SERTAD4: variants seen among roughly 807,000 people sequenced by gnomAD.
SERTAD4 encodes SERTA domain-containing protein 4.
SERTAD4 carries 18 observed loss-of-function variants against 32.9 expected under a neutral mutation model. The observed-to-expected ratio is 0.55, with a 90% CI of 0.38 to 0.81. The LOEUF (loss-of-function observed/expected upper bound fraction) is 0.81, where lower values mean the gene tolerates loss of function less well. Among genes scored for constraint, SERTAD4 ranks in the 30% least tolerant of loss-of-function variants. The pLI is 0.00. For synonymous variants in SERTAD4, 150 were observed against 156.4 expected (o/e 0.96, Z 0.30); for missense variants, 383 against 426.0 (o/e 0.90, Z 0.89).
intron 3 of SERTAD4, among the ~76,000 whole-genome samples, chr1:210,241,302 G>A (rs1255838836): frequency 2.0e-5 from 3 of 152,052 alleles, no homozygotes; most frequent in Admixed American, 6.5e-5. Context: ...ACTGTGGCTC[G>A]ATTCCCTAGT....
chr1:210,241,535 T>C (rs201852860), intron 3 of SERTAD4, 23 bp from the exon 4 acceptor site: 61,466 of 475,288 alleles, frequency 0.13, 41 homozygotes, highest in East Asian at 0.22. Flanking sequence ...TGTTTTTTTC[T>C]TTTTTTTTTT....
intron 1 of SERTAD4, among the ~76,000 whole-genome samples, chr1:210,234,278 C>T (rs368755924): frequency 4.6e-5 from 7 of 151,842 alleles, no homozygotes; most frequent in East Asian, 2.0e-4. Context: ...ACCTCGGACC[C>T]CACCCCCGCA....
chr1:210,238,698 A>G (rs987323827), intron 2 of SERTAD4, among the ~76,000 whole-genome samples: 1 of 152,252 alleles, frequency 6.6e-6, no homozygotes, highest in Non-Finnish European at 1.5e-5. Context: ...AACCTATGGC[A>G]TAAATGGGTA....
chr1:210,243,033 T>G lies in SERTAD4; in HGVS notation c.*696T>G, dbSNP rs2084014587. 1.0e-6 allele frequency: 1 copy of G among 984,072 alleles called. No homozygotes were observed. The highest frequency in any genetic ancestry group is 4.7e-5 in the South Asian group (1 of 21,206). 61.0% of individuals were successfully genotyped at this position (984,072 alleles called of 1,614,324 possible). On this transcript the variant is annotated 3_prime_UTR_variant, in exon 4 of 4. Coordinates refer to ENST00000367012, the MANE Select transcript of SERTAD4 (RefSeq NM_019605.5). ...TTTGGTGCCTTACTTTTATCTTAAT[T>G]TTTGCCAATGTGAAAATTAAGGATA...
At chr1:210,239,880 A>G (rs1416152688) in intron 3 of SERTAD4, among the ~76,000 whole-genome samples, 27 of 152,164 alleles carry the variant, frequency 1.8e-4, no homozygotes, top group Admixed American at 1.8e-3. Context: ...AATATTTCTC[A>G]GACTGTGTTT....
In SERTAD4 at chr1:210,243,114, A is replaced by AAAAAAAAC; in HGVS notation, c.*778_*779insAAAAAACA. 1.0e-4 allele frequency: 72 copies of AAAAAAAAC among 690,228 alleles called. No individual in the cohort carries two copies. Among genetic ancestry groups the AAAAAAAAC allele is most frequent in the South Asian group, 1.4e-4 (2 of 14,758 alleles). The allele number at this position is 690,228 out of a possible 1,614,324, so 42.8% of individuals were successfully genotyped here. The stretch of plus-strand genomic sequence containing the variant: ...AGGACAAAAAAAAAAAAAAAAAAAA[A>AAAAAAAAC]ACCACAGGGTGGATCAATATGGTTT... On this transcript the variant is annotated 3_prime_UTR_variant, in exon 4 of 4. Coordinates refer to ENST00000367012, the MANE Select transcript of SERTAD4 (RefSeq NM_019605.5).
At position 210,238,048 on chromosome 1, in the gene SERTAD4, G is replaced by A; in HGVS notation, c.88G>A (p.Glu30Lys). The change falls in exon 2 of 4, where the codon GAG becomes AAG. Residue 30 changes from glutamate to lysine, a missense_variant. This residue lies in a region of SERTAD4 where 96 missense variants were observed against 76.6 expected (regional missense o/e 1.25). Transcript: ENST00000367012. ...AATTGCTGGGTACCAAACACTATGG[G>A]AGGCTGACAGCTACGGAGGCCCAAG... is the stretch of plus-strand genomic sequence containing the variant. The part of the protein sequence containing the change: ...AEIAGYQTLW[E>K]ADSYGGPSPP... 6.2e-7 allele frequency: 1 copy of A among 1,614,026 alleles called. No individual in the cohort carries two copies. The highest frequency in any genetic ancestry group is 8.5e-7 in the Non-Finnish European group (1 of 1,179,940).
intron 2 of SERTAD4, among the ~76,000 whole-genome samples, chr1:210,239,068 G>A (rs1009018766): frequency 6.6e-6 from 1 of 152,064 alleles, no homozygotes; most frequent in Non-Finnish European, 1.5e-5. Flanking sequence ...AAGCCAATAA[G>A]ATTTCAAAGT....
At chr1:210,238,917 TG>T (rs1354562199) in intron 2 of SERTAD4, among the ~76,000 whole-genome samples, 1 of 152,198 alleles carries the variant, frequency 6.6e-6, no homozygotes, top group African/African-American at 2.4e-5. Flanking sequence ...TCTTCATGGT[TG>T]GCATACTACA....
intron 1 of SERTAD4, among the ~76,000 whole-genome samples, chr1:210,234,282 C>G (rs964187856): frequency 1.9e-4 from 29 of 151,912 alleles, no homozygotes; most frequent in African/African-American, 6.3e-4. Flanking sequence ...CGGACCCCAC[C>G]CCCGCAACCG....
chr1:210,245,848 C>G lies in SERTAD4; in HGVS notation c.*3511C>G. On this transcript the variant is annotated 3_prime_UTR_variant, in exon 4 of 4. Transcript: ENST00000367012. ...AGAAGACATGACCATTAAGAGACAT[C>G]AACTTCGCAACAAATATAAGACAAG... 8.1e-6 allele frequency: 8 copies of G among 985,224 alleles called. No homozygotes were observed. The highest frequency in any genetic ancestry group is 9.6e-6 in the Non-Finnish European group (8 of 829,772). The allele number at this position is 985,224 out of a possible 1,614,324, so 61.0% of individuals were successfully genotyped here.
rs551335138 is a variant in SERTAD4, at chr1:210,242,390, G to C, written c.*53G>C. ...TGCACAGCATGATCAGTTAGCTCTC[G>C]TAAATTTTATTTTGAATGGATTTTG... On this transcript the variant is annotated 3_prime_UTR_variant, in exon 4 of 4. Transcript: ENST00000367012. This position sits in a 1 kb window ranked among gnomAD's most constrained non-coding sequence, Gnocchi z 4.0. 1.3e-6 allele frequency: 2 copies of C among 1,515,714 alleles called. No homozygotes were observed. Among genetic ancestry groups the C allele is most frequent in the East Asian group, 2.3e-5 (1 of 44,088 alleles). 93.9% of individuals were successfully genotyped at this position (1,515,714 alleles called of 1,614,324 possible). A position where few individuals can be genotyped will look rare whatever the true frequency, so the allele number is the denominator to read the frequency against.
chr1:210,238,166 C>A (rs769048351), intron 2 of SERTAD4, 31 bp downstream of exon 2: 85 of 1,377,428 alleles, frequency 6.2e-5, no homozygotes, highest in South Asian at 1.1e-4. Flanking sequence ...CCATCCCCCC[C>A]ACCCCTCGCT....
chr1:210,241,550 G>A lies in SERTAD4; in HGVS notation c.292-8G>A. On this transcript the variant is annotated splice_polypyrimidine_tract_variant and splice_region_variant and intron_variant, in intron 3 of 3. Coordinates refer to ENST00000367012, the MANE Select transcript of SERTAD4 (RefSeq NM_019605.5). ...TGTTTTTTTCTTTTTTTTTTTTTTG[G>A]TTTGTAGACCATCTCAATTTTTGAG... 1 of 1,363,498 alleles carries A rather than the reference G, an allele frequency of 7.3e-7. No homozygotes were observed. The highest frequency in any genetic ancestry group is 2.1e-5 in the South Asian group (1 of 47,378). 84.5% of individuals were successfully genotyped at this position (1,363,498 alleles called of 1,614,324 possible).
At chr1:210,233,864 C>T in intron 1 of SERTAD4, 1 of 466,944 alleles carries the variant, frequency 2.1e-6, no homozygotes, top group Non-Finnish European at 4.4e-6. Flanking sequence ...GCCGGGCCGA[C>T]ATCTGCTGCG....
rs1247687965 is a variant in SERTAD4 at position 210,232,960 on chromosome 1, G to T, written c.-69G>T. On this transcript the variant is annotated 5_prime_UTR_variant, in exon 1 of 4. Coordinates refer to ENST00000367012, the MANE Select transcript of SERTAD4 (RefSeq NM_019605.5). The stretch of plus-strand genomic sequence containing the variant: ...GCCGGGCTGGCGCCGAGCCCAGAGC[G>T]GACCAGCAGCAGCTCAAGCGCTGCG... 1.3e-5 allele frequency: 2 copies of T among 150,182 alleles called. No individual in the cohort carries two copies. Among genetic ancestry groups the T allele is most frequent in the Non-Finnish European group, 3.0e-5 (2 of 67,334 alleles). The allele number at this position is 150,182 out of a possible 1,614,324, so 9.3% of individuals were successfully genotyped here.
intron 1 of SERTAD4, chr1:210,233,992 T>C (rs879173834): frequency 2.9e-6 from 1 of 346,808 alleles, no homozygotes; most frequent in Admixed American, 4.5e-5. Context: ...TGGTTTTTTT[T>C]TTAAAAAAAA....
rs1316490937 is a variant in SERTAD4, at chr1:210,242,615, TG to T, written c.*283del. The T allele has an allele frequency of 3.5e-6, 4 of 1,144,316 alleles. No individual in the cohort carries two copies. Among genetic ancestry groups the T allele is most frequent in the Admixed American group, 4.6e-5 (1 of 21,922 alleles). The allele number at this position is 1,144,316 out of a possible 1,614,324, so 70.9% of individuals were successfully genotyped here. A position where few individuals can be genotyped will look rare whatever the true frequency, so the allele number is the denominator to read the frequency against. ...TACGGAAAAGATCAGTAGATGAGAT[TG>T]GGGGACAATGTGCCCTTGCAATATT... On this transcript the variant is annotated 3_prime_UTR_variant, in exon 4 of 4. Coordinates refer to ENST00000367012, the MANE Select transcript of SERTAD4 (RefSeq NM_019605.5). This position sits in a 1 kb window ranked among gnomAD's most constrained non-coding sequence, Gnocchi z 4.0.
Position 210,238,001 on chromosome 1 carries a change from T to C in SERTAD4, c.41T>C (p.Ile14Thr). The change falls in exon 2 of 4, where the codon ATT (isoleucine) becomes ACT (threonine). Residue 14 changes from isoleucine (I) to threonine (T), a missense_variant. This residue lies in a region of SERTAD4 where 96 missense variants were observed against 76.6 expected (regional missense o/e 1.25). Coordinates refer to ENST00000367012, the MANE Select transcript of SERTAD4 (RefSeq NM_019605.5). ...TCCATGAATAGATTCTGCGAGCCCA[T>C]TGTCTCGGAAGGAGCTGCTGAAATT... ...VLSMNRFCEP[I>T]VSEGAAEIAG... The C allele has an allele frequency of 1.2e-6, 2 of 1,613,622 alleles. No individual in the cohort carries two copies. Among genetic ancestry groups the C allele is most frequent in the Non-Finnish European group, 1.7e-6 (2 of 1,179,818 alleles).
Sources: gnomAD v4.1 joint callset for allele counts (sites outside exome capture counted in the v4.1 genomes callset) on GRCh38, gnomAD v4.1.1 for gene constraint, gnomAD v4.1.1 regional missense constraint, Gnocchi (gnomAD v3.1) non-coding constraint, MANE v1.5 for transcripts, NCBI Gene and HGNC (gene_info 2026-07-23, HGNC 2026-07-21) for gene names.